Variants in FRA10AC1 observed in about 807,000 individuals in gnomAD.
FRA10AC1 encodes the protein FRA10A associated CGG repeat 1.
A neutral mutation model predicts 56.5 loss-of-function variants in FRA10AC1; 43 were observed. The ratio of observed to expected loss-of-function variants is 0.76; its 90% confidence interval spans 0.60 to 0.98. The LOEUF (loss-of-function observed/expected upper bound fraction) is 0.98. Among genes scored for constraint, FRA10AC1 ranks in the 50% least tolerant of loss-of-function variants. The pLI, the probability that FRA10AC1 is intolerant of heterozygous loss-of-function variation, is 0.00. For synonymous variants in FRA10AC1, 112 were observed against 110.5 expected, an observed-to-expected ratio of 1.01 and a Z score of -0.09; for missense variants, 346 against 351.8, an observed-to-expected ratio of 0.98 and a Z score of 0.13.
chr10:93,673,893 G>A (rs2058804366), intron 12 of FRA10AC1: 5 of 292,666 alleles, frequency 1.7e-5, no homozygotes, highest in South Asian at 1.6e-4. Flanking sequence ...CCAAAACTGA[G>A]GTATAAAGAA....
At chr10:93,684,005 A>T in intron 10 of FRA10AC1, 51 bp downstream of exon 10, 1 of 1,208,968 alleles carries the variant, frequency 8.3e-7, no homozygotes, top group Non-Finnish European at 1.2e-6. Flanking sequence ...CAGGTAAATG[A>T]CTATATCCTG....
rs551987192 is a variant in FRA10AC1, at chr10:93,692,159, G to A, written c.381-66C>T. 17 of 1,119,012 alleles carry A rather than the reference G, an allele frequency of 1.5e-5. 1 individual carries two copies. The South Asian group carries it at 2.2e-4, about 14-fold the overall frequency. 69.3% of individuals were successfully genotyped at this position (1,119,012 alleles called of 1,614,324 possible). On this transcript the variant is annotated intron_variant, in intron 6 of 13. Transcript: ENST00000359204. ...CAACCATGGTTTGCTACTTTCAAGT[G>A]ATGTCAAAGAATACATACTACATAA...
rs141963216 is a variant in FRA10AC1 at position 93,696,717 on chromosome 10, A to G, written c.219+1419T>C. ...ATGGAACCAATCCAAATGTCCATCA[A>G]TGATAGACCAGATAAAGAAAATGTG... is the stretch of plus-strand genomic sequence containing the variant. On this transcript the variant is annotated intron_variant, in intron 4 of 13. Transcript: ENST00000359204. Among the ~76,000 whole-genome samples the G allele has an allele frequency of 6.4e-3, 978 of 152,350 alleles. 5 individuals carry two copies. Among genetic ancestry groups the G allele is most frequent in the Middle Eastern group, 0.017 (5 of 294 alleles).
At chr10:93,672,340 A>C (rs1394509321) in intron 12 of FRA10AC1, 1 of 156,424 alleles carries the variant, frequency 6.4e-6, no homozygotes, top group Non-Finnish European at 1.4e-5. Flanking sequence ...CAAATGATAA[A>C]ATTTTAATCT....
In FRA10AC1 at chr10:93,694,321, G is replaced by A. The variant is rs998350143; in HGVS notation, c.296+540C>T. 3.9e-5 allele frequency among the ~76,000 whole-genome samples: 6 copies of A among 152,176 alleles called. No individual in the cohort carries two copies. In the East Asian group the frequency reaches 7.7e-4, roughly 20 times the overall value. On this transcript the variant is annotated intron_variant, in intron 5 of 13. Transcript: ENST00000359204. Reference sequence around the variant, plus strand: ...TTCTTTTATCACCAGGGTTGTGCCCGGCTCAGCAGGTAAAGAGTCTACCTG... The same window carrying A: ...TTCTTTTATCACCAGGGTTGTGCCCAGCTCAGCAGGTAAAGAGTCTACCTG...
At chr10:93,702,940 A>G (rs993874313), upstream of FRA10AC1, 52 of 455,120 alleles carry the variant, frequency 1.1e-4, no homozygotes, top group African/African-American at 9.6e-4. Context: ...GCAGCTCATC[A>G]GCGCTTCAGA....
chr10:93,693,287 A>G (rs1297776164), intron 5 of FRA10AC1, among the ~76,000 whole-genome samples: 1 of 150,462 alleles, frequency 6.6e-6, no homozygotes, highest in African/African-American at 2.4e-5. Flanking sequence ...ATTGGGGGTA[A>G]ATGAGGTGGT....
intron 10 of FRA10AC1, among the ~76,000 whole-genome samples, 169 bp downstream of exon 10, chr10:93,683,887 C>A (rs11187585): frequency 2.0e-5 from 3 of 152,024 alleles, no homozygotes; most frequent in Non-Finnish European, 4.4e-5. Flanking sequence ...TAGGGCATAG[C>A]GGACTTCTAA....
chr10:93,688,582 G>A (rs958351075), intron 7 of FRA10AC1, among the ~76,000 whole-genome samples: 2 of 152,086 alleles, frequency 1.3e-5, no homozygotes, highest in African/African-American at 4.8e-5. Flanking sequence ...TGACAGTAGG[G>A]GATGTTATGC....
At chr10:93,692,227 A>G (rs555635399) in intron 6 of FRA10AC1, 134 bp from the exon 7 acceptor site, 2 of 612,624 alleles carry the variant, frequency 3.3e-6, no homozygotes, top group Non-Finnish European at 5.0e-6. Context: ...TGTGCATGGA[A>G]TATCTGGATA....
chr10:93,670,001 G>C, intron 13 of FRA10AC1, 133 bp from the exon 14 acceptor site: 1 of 500,388 alleles, frequency 2.0e-6, no homozygotes, highest in East Asian at 3.4e-5. Context: ...TCAATATATT[G>C]CCATGATTCA....
At position 93,668,541 on chromosome 10, in the gene FRA10AC1, T is replaced by C. The variant is rs1364974544; in HGVS notation, c.*1285A>G. The C allele has an allele frequency of 1.3e-5, 2 of 153,094 alleles. No homozygotes were observed. The highest frequency in any genetic ancestry group is 4.8e-5 in the African/African-American group (2 of 41,466). 9.5% of individuals were successfully genotyped at this position (153,094 alleles called of 1,614,324 possible). On this transcript the variant is annotated 3_prime_UTR_variant, in exon 14 of 14. Coordinates refer to ENST00000359204, the MANE Select transcript of FRA10AC1 (RefSeq NM_145246.5). ...GCATAGAAGTTCTATTAGTCCATTT[T>C]CACACTGCTGATAAAGACATACCAG...
Position 93,681,572 on chromosome 10 carries a change from C to CT in FRA10AC1, c.694dup (p.Arg232LysfsTer4), listed in dbSNP as rs775948504. The CT allele has an allele frequency of 2.9e-5, 45 of 1,540,776 alleles. No individual in the cohort carries two copies. The highest frequency in any genetic ancestry group is 8.6e-5 in the Admixed American group (4 of 46,756). Reference sequence around the variant, plus strand: ...ACAGTCTTTTTTGGTTTTATCTTTTCTTTTTTTTGACTTGATTTCTTTTCT... The same window carrying CT: ...ACAGTCTTTTTTGGTTTTATCTTTTCTTTTTTTTTGACTTGATTTCTTTTCT... On this transcript the variant is annotated frameshift_variant, in exon 11 of 14. Transcript: ENST00000359204. LOFTEE classifies it high-confidence loss of function.
At chr10:93,682,673 T>C (rs545010386) in intron 10 of FRA10AC1, among the ~76,000 whole-genome samples, 16 of 152,074 alleles carry the variant, frequency 1.1e-4, no homozygotes, top group Non-Finnish European at 2.2e-4. Context: ...GGTTTGGTGA[T>C]GTACTCCTGT....
chr10:93,698,498 T>C, intron 2 of FRA10AC1, 102 bp from the exon 3 acceptor site: 1 of 638,406 alleles, frequency 1.6e-6, no homozygotes. Context: ...ATGTAAGTCT[T>C]AACTTTAAGA....
intron 12 of FRA10AC1, 139 bp downstream of exon 12, chr10:93,676,514 T>TC: frequency 4.6e-6 from 6 of 1,310,692 alleles, no homozygotes; most frequent in Non-Finnish European, 6.0e-6. Flanking sequence ...TGGCCTTTTT[T>TC]CTACAGTTTT....
At chr10:93,697,064 T>TAATAAAATAAAATAAAGAAA (rs1564822048) in intron 4 of FRA10AC1, among the ~76,000 whole-genome samples, 1 of 151,696 alleles carries the variant, frequency 6.6e-6, no homozygotes, top group East Asian at 1.9e-4. Flanking sequence ...GAATTTAAAG[T>TAATAAAATAAAATAAAGAAA]AATAAAATAA....
At chr10:93,697,240 G>A (rs2059248450) in intron 4 of FRA10AC1, among the ~76,000 whole-genome samples, 1 of 152,268 alleles carries the variant, frequency 6.6e-6, no homozygotes, top group East Asian at 1.9e-4. Context: ...TGTCAGAGAA[G>A]GCAGAGCAAA....
intron 4 of FRA10AC1, among the ~76,000 whole-genome samples, chr10:93,695,707 T>G (rs2059221028): frequency 6.6e-6 from 1 of 151,898 alleles, no homozygotes; most frequent in Admixed American, 6.6e-5. Flanking sequence ...TATTTCCATA[T>G]TGTAACAAAC....
Sources: gnomAD v4.1 joint callset for allele counts (sites outside exome capture counted in the v4.1 genomes callset) on GRCh38, gnomAD v4.1.1 for gene constraint, MANE v1.5 for transcripts, NCBI Gene and HGNC (gene_info 2026-07-23, HGNC 2026-07-21) for gene names.